SYN3: variants seen among roughly 807,000 people sequenced by gnomAD.
SYN3 encodes the protein synapsin-3.
A neutral mutation model predicts 65.8 loss-of-function variants in SYN3; 35 were observed. That is an observed-to-expected ratio of 0.53 (90% CI 0.41 to 0.70). The LOEUF is 0.70. Among genes scored for constraint, SYN3 ranks in the 30% least tolerant of loss-of-function variants. SYN3 has a pLI of 0.00. For synonymous variants in SYN3, 270 were observed against 292.9 expected, an observed-to-expected ratio of 0.92 and a Z score of 0.80; for missense variants, 680 against 749.0, an observed-to-expected ratio of 0.91 and a Z score of 1.08.
Position 32,630,273 on chromosome 22 carries a change from C to A in SYN3, c.712-33537G>T, listed in dbSNP as rs187480233. 1.3e-4 allele frequency among the ~76,000 whole-genome samples: 20 copies of A among 152,226 alleles called. 1 individual carries two copies. The highest frequency in any genetic ancestry group is 1.1e-3 in the Admixed American group (17 of 15,298). On this transcript the variant is annotated intron_variant, in intron 6 of 13. Coordinates refer to ENST00000358763, the MANE Select transcript of SYN3 (RefSeq NM_003490.4). ...CTGGGATTACAGGCCTAAGCCACCACACCCGGCCGTATGTATGTATTTTTA... is the reference window on the plus strand; with the variant it reads ...CTGGGATTACAGGCCTAAGCCACCAAACCCGGCCGTATGTATGTATTTTTA...
intron 6 of SYN3, among the ~76,000 whole-genome samples, chr22:32,646,555 G>A (rs74704305): frequency 0.071 from 10,784 of 152,096 alleles, 505 homozygotes; most frequent in South Asian, 0.22. Flanking sequence ...ATCTTTTTTT[G>A]GGGTAATAGA....
At chr22:32,687,728 T>C (rs1320239867) in intron 6 of SYN3, among the ~76,000 whole-genome samples, 4 of 108,088 alleles carry the variant, frequency 3.7e-5, no homozygotes, top group African/African-American at 1.5e-4. Context: ...ACCTGCTGTT[T>C]TCCTCCTCGC....
chr22:32,555,955 A>G (rs2157188), intron 7 of SYN3, among the ~76,000 whole-genome samples: 23,136 of 152,136 alleles, frequency 0.15, 2,721 homozygotes, highest in East Asian at 0.66. Flanking sequence ...TGTGTGACGA[A>G]TATTAATACC....
intron 3 of SYN3, among the ~76,000 whole-genome samples, chr22:32,942,267 G>A (rs1465930260): frequency 6.6e-6 from 1 of 152,138 alleles, no homozygotes; most frequent in Non-Finnish European, 1.5e-5. Flanking sequence ...GAACAATCAG[G>A]CAGCAACCTT....
intron 6 of SYN3, among the ~76,000 whole-genome samples, chr22:32,759,246 T>C (rs139761514): frequency 3.4e-4 from 52 of 152,202 alleles, no homozygotes; most frequent in African/African-American, 1.1e-3. Flanking sequence ...ATTCATGACA[T>C]GAAATTATTA....
rs553608567 is a variant in SYN3, at chr22:32,970,318, C to T, written c.369+10327G>A. ...ACCTAGTTGATCTGGCTTGAGAGTC[C>T]AAGCTATTATACTATCCAGACAGTC... On this transcript the variant is annotated intron_variant, in intron 3 of 13. Coordinates refer to ENST00000358763, the MANE Select transcript of SYN3 (RefSeq NM_003490.4). Among the ~76,000 whole-genome samples the T allele has an allele frequency of 4.2e-4, 64 of 152,016 alleles. No individual in the cohort carries two copies. The South Asian group carries it at 7.7e-3, about 18-fold the overall frequency.
At chr22:32,750,337 G>C (rs1201467214) in intron 6 of SYN3, among the ~76,000 whole-genome samples, 2 of 152,322 alleles carry the variant, frequency 1.3e-5, no homozygotes, top group Non-Finnish European at 2.9e-5. Flanking sequence ...GAACATCTGG[G>C]AGAAGATTGT....
At chr22:32,938,540 A>AAAAAAG (rs970152953) in intron 3 of SYN3, among the ~76,000 whole-genome samples, 1 of 152,024 alleles carries the variant, frequency 6.6e-6, no homozygotes, top group African/African-American at 2.4e-5. Context: ...AGAAAAAAAA[A>AAAAAAG]AAAAAGAAAA....
At chr22:32,712,097 G>A (rs574646074) in intron 6 of SYN3, among the ~76,000 whole-genome samples, 16 of 152,232 alleles carry the variant, frequency 1.1e-4, no homozygotes, top group African/African-American at 3.9e-4. Flanking sequence ...CTCTGCTGCC[G>A]AGCAGGAAGA....
chr22:32,970,981 T>C (rs1461434430), intron 3 of SYN3, among the ~76,000 whole-genome samples: 1 of 152,258 alleles, frequency 6.6e-6, no homozygotes, highest in Non-Finnish European at 1.5e-5. Flanking sequence ...CTGTGTCACA[T>C]GCCTGGGCAA....
chr22:33,052,620 C>A (rs2054189272), intron 1 of SYN3, among the ~76,000 whole-genome samples: 1 of 151,848 alleles, frequency 6.6e-6, no homozygotes, highest in Admixed American at 6.6e-5. Context: ...GCTCTAACTG[C>A]TTCCACAAAA....
chr22:32,554,723 AC>A (rs1425677588), intron 7 of SYN3, among the ~76,000 whole-genome samples: 1 of 151,714 alleles, frequency 6.6e-6, no homozygotes, highest in Non-Finnish European at 1.5e-5. Context: ...TAGGAATAAG[AC>A]CCCCTTCCCC....
intron 7 of SYN3, among the ~76,000 whole-genome samples, chr22:32,551,154 G>A (rs908400281): frequency 2.6e-5 from 4 of 152,164 alleles, no homozygotes; most frequent in African/African-American, 9.7e-5. Context: ...TCCTTCTGCA[G>A]CCCCTAATGC....
At chr22:33,032,893 T>C (rs887125442) in intron 1 of SYN3, among the ~76,000 whole-genome samples, 1 of 151,352 alleles carries the variant, frequency 6.6e-6, no homozygotes, top group African/African-American at 2.5e-5. Context: ...ATGATTTTAC[T>C]TATATTTCCT....
intron 1 of SYN3, among the ~76,000 whole-genome samples, chr22:33,008,642 G>T (rs2053258958): frequency 6.6e-6 from 1 of 152,096 alleles, no homozygotes. Flanking sequence ...GGTCAGGCAT[G>T]GTGGCTCACA....
intron 6 of SYN3, among the ~76,000 whole-genome samples, chr22:32,710,156 A>C (rs1449658850): frequency 6.7e-6 from 1 of 149,672 alleles, no homozygotes. Flanking sequence ...ACATATTTCC[A>C]GATATGCCCT....
chr22:32,606,651 T>A (rs983235522), intron 6 of SYN3, among the ~76,000 whole-genome samples: 2 of 152,090 alleles, frequency 1.3e-5, no homozygotes, highest in Non-Finnish European at 2.9e-5. Context: ...CCCATCAGCC[T>A]CTCTGGCCCA....
At chr22:32,982,110 C>T (rs2052390176) in intron 2 of SYN3, among the ~76,000 whole-genome samples, 1 of 152,092 alleles carries the variant, frequency 6.6e-6, no homozygotes, top group Admixed American at 6.6e-5. Context: ...TAACTCTCAA[C>T]AAAAATCAAT....
At chr22:32,724,585 T>G (rs1326272696) in intron 6 of SYN3, among the ~76,000 whole-genome samples, 1 of 152,254 alleles carries the variant, frequency 6.6e-6, no homozygotes, top group African/African-American at 2.4e-5. Flanking sequence ...TATATGAACC[T>G]CTTCGTATAG....
Sources: allele counts gnomAD v4.1 joint callset (sites outside exome capture counted in the v4.1 genomes callset), GRCh38; gene constraint gnomAD v4.1.1; transcripts MANE v1.5; gene names NCBI Gene and HGNC (gene_info 2026-07-23, HGNC 2026-07-21).